Variants in PI4KB observed in about 807,000 individuals in gnomAD.
PI4KB encodes the protein PtdIns 4-kinase beta.
In PI4KB, 23 loss-of-function variants were observed where a neutral mutation model predicts 81.4. The ratio of observed to expected loss-of-function variants is 0.28; its 90% confidence interval spans 0.20 to 0.40. The LOEUF (loss-of-function observed/expected upper bound fraction) is 0.40, where lower values mean the gene tolerates loss of function less well. PI4KB is among the 10% of genes least tolerant of loss of function. The probability of loss-of-function intolerance (pLI) is 1.00; values close to 1 mark genes in which losing one functional copy is unlikely to be tolerated. For synonymous variants in PI4KB, 381 were observed against 406.8 expected (o/e 0.94, Z 0.76); for missense variants, 651 against 1,036.6 (o/e 0.63, Z 5.11).
chr1:151,316,441 G>T lies in PI4KB; in HGVS notation c.41C>A (p.Thr14Asn). Residue 14 changes from threonine (T) to asparagine (N), a missense_variant, in exon 2 of 12, where the codon ACT becomes AAT. Coordinates refer to ENST00000368873, the MANE Select transcript of PI4KB (RefSeq NM_001369623.2). ...TVVEPAPLKP[T>N]SEPTSGPPGN... ...TGGTGGGCCAGAAGTGGGCTCAGAA[G>T]TTGGCTTCAAGGGGGCAGGCTCCAC... 2 of 1,566,246 alleles carry T rather than the reference G, an allele frequency of 1.3e-6. No individual in the cohort carries two copies. Among genetic ancestry groups the T allele is most frequent in the Non-Finnish European group, 1.7e-6 (2 of 1,157,382 alleles).
chr1:151,315,951 G>A lies in PI4KB; in HGVS notation c.531C>T (p.Pro177=). 1 of 1,613,208 alleles carries A rather than the reference G, an allele frequency of 6.2e-7. No homozygotes were observed. The highest frequency in any genetic ancestry group is 1.1e-5 in the South Asian group (1 of 91,048). Residue 177 remains proline (P), a synonymous_variant, in exon 2 of 12, where the codon CCC becomes CCT. Coordinates refer to ENST00000368873, the MANE Select transcript of PI4KB (RefSeq NM_001369623.2). Reference sequence around the variant, plus strand: ...TGTGGATGTACATGTTAAGCAACTGGGGCAGATAGAAGTCCACGTCCTCGT... The same window carrying A: ...TGTGGATGTACATGTTAAGCAACTGAGGCAGATAGAAGTCCACGTCCTCGT... The part of the protein sequence containing the change: ...FRNEDVDFYL[P]QLLNMYIHMD...
At chr1:151,318,354 T>C (rs890849615) in intron 1 of PI4KB, among the ~76,000 whole-genome samples, 2 of 146,624 alleles carry the variant, frequency 1.4e-5, no homozygotes, top group African/African-American at 5.1e-5. Context: ...GAGGTGGAGG[T>C]TGCAGTGAGC....
chr1:151,292,539 A>G lies in PI4KB; in HGVS notation c.*313T>C, dbSNP rs1694378245. 2 of 300,882 alleles carry G rather than the reference A, an allele frequency of 6.6e-6. No individual in the cohort carries two copies. Among genetic ancestry groups the G allele is most frequent in the Non-Finnish European group, 1.3e-5 (2 of 159,794 alleles). The allele number at this position is 300,882 out of a possible 1,614,324, so 18.6% of individuals were successfully genotyped here. On this transcript the variant is annotated 3_prime_UTR_variant, in exon 12 of 12. Coordinates refer to ENST00000368873, the MANE Select transcript of PI4KB (RefSeq NM_001369623.2). Reference sequence around the variant, plus strand: ...TCTGAGAGACCCCTACAAGGAGAAGAAAGGCCCCAGTGTCCCTCACATTTG... The same window carrying G: ...TCTGAGAGACCCCTACAAGGAGAAGGAAGGCCCCAGTGTCCCTCACATTTG...
At position 151,306,154 on chromosome 1, in the gene PI4KB, T is replaced by A; in HGVS notation, c.1392A>T (p.Ile464=). The change falls in exon 5 of 12, where the codon ATA becomes ATT. Residue 464 remains isoleucine (I), a synonymous_variant. Coordinates refer to ENST00000368873, the MANE Select transcript of PI4KB (RefSeq NM_001369623.2). The part of the protein sequence containing the change: ...NDDEAWSVDD[I]GELQVELPEV... ...CTCTCACCTCCACTTGCAGCTCGCC[T>A]ATGTCATCCACCGACCAGGCCTCAT... The A allele has an allele frequency of 6.2e-7, 1 of 1,614,074 alleles. No homozygotes were observed. The highest frequency in any genetic ancestry group is 1.1e-5 in the South Asian group (1 of 91,086).
intron 2 of PI4KB, among the ~76,000 whole-genome samples, chr1:151,312,624 T>C (rs1472694726): frequency 6.6e-6 from 1 of 151,992 alleles, no homozygotes; most frequent in Non-Finnish European, 1.5e-5. Context: ...ACATGTTGAG[T>C]GAATGAATGT....
intron 8 of PI4KB, 44 bp downstream of exon 8, chr1:151,301,800 G>A: frequency 6.3e-7 from 1 of 1,595,888 alleles, no homozygotes; most frequent in Non-Finnish European, 8.6e-7. Context: ...CCAGAGTGCT[G>A]GGATTACAGC....
At chr1:151,312,084 G>A (rs1341342076) in intron 2 of PI4KB, among the ~76,000 whole-genome samples, 1 of 152,228 alleles carries the variant, frequency 6.6e-6, no homozygotes, top group Non-Finnish European at 1.5e-5. Flanking sequence ...CAGGCTTTGA[G>A]GAGCAGTGGT....
In PI4KB at chr1:151,302,299, C is replaced by T; in HGVS notation, c.1521-1G>A. On this transcript the variant is annotated splice_acceptor_variant, in intron 6 of 11. Coordinates refer to ENST00000368873, the MANE Select transcript of PI4KB (RefSeq NM_001369623.2). LOFTEE classifies it high-confidence loss of function. ...AGCCAGCTGTTCCGAAAGGCGCCGGCTGGCAGGAAGAAAATACATCATTTG... is the reference window on the plus strand; with the variant it reads ...AGCCAGCTGTTCCGAAAGGCGCCGGTTGGCAGGAAGAAAATACATCATTTG... 1 of 1,612,208 alleles carries T rather than the reference C, an allele frequency of 6.2e-7. No homozygotes were observed. Among genetic ancestry groups the T allele is most frequent in the South Asian group, 1.1e-5 (1 of 91,046 alleles).
At chr1:151,317,127 CA>C (rs1219491137) in intron 1 of PI4KB, among the ~76,000 whole-genome samples, 4 of 146,128 alleles carry the variant, frequency 2.7e-5, no homozygotes, top group Non-Finnish European at 6.0e-5. Context: ...ACCTGGCCTA[CA>C]TTTACAAATT....
At chr1:151,323,672 C>T (rs991254095) in intron 1 of PI4KB, among the ~76,000 whole-genome samples, 9 of 152,120 alleles carry the variant, frequency 5.9e-5, no homozygotes, top group East Asian at 3.9e-4. Flanking sequence ...TGCAGTGAGC[C>T]GAGATCGTGC....
intron 11 of PI4KB, chr1:151,293,645 TG>T (rs1694522695): frequency 3.2e-6 from 1 of 308,952 alleles, no homozygotes; most frequent in Non-Finnish European, 6.3e-6. Context: ...AGCTGAAGGG[TG>T]GCAGAGGACA....
At chr1:151,310,342 G>T in intron 2 of PI4KB, 87 bp from the exon 3 acceptor site, 1 of 834,832 alleles carries the variant, frequency 1.2e-6, no homozygotes. Context: ...GCTCCAACTT[G>T]GATCGTAACT....
intron 1 of PI4KB, among the ~76,000 whole-genome samples, chr1:151,324,427 T>C (rs953951439): frequency 1.7e-4 from 26 of 152,138 alleles, no homozygotes; most frequent in Non-Finnish European, 1.0e-4. Context: ...ATGGTAAAGG[T>C]AGAGATTGAG....
Position 151,293,118 on chromosome 1 carries a change from C to T in PI4KB, c.2270-85G>A, listed in dbSNP as rs1036710467. The T allele has an allele frequency of 2.6e-6, 4 of 1,548,472 alleles. No individual in the cohort carries two copies. The Admixed American group carries it at 7.8e-5, about 30-fold the overall frequency. Reference sequence around the variant, plus strand: ...CATAGCAAATACAGAGCTGGGGCATCTGAAGTGCCCTTTTCCTCCCACCTC... The same window carrying T: ...CATAGCAAATACAGAGCTGGGGCATTTGAAGTGCCCTTTTCCTCCCACCTC... On this transcript the variant is annotated intron_variant, in intron 11 of 11. Coordinates refer to ENST00000368873, the MANE Select transcript of PI4KB (RefSeq NM_001369623.2).
intron 11 of PI4KB, chr1:151,293,691 A>C (rs970265533): frequency 8.3e-5 from 27 of 326,386 alleles, no homozygotes; most frequent in African/African-American, 5.5e-4. Flanking sequence ...TGGAGAAGAC[A>C]GATGGAAGGA....
In PI4KB at chr1:151,320,922, C is replaced by T. The variant is rs72994073; in HGVS notation, c.-28-4413G>A. On this transcript the variant is annotated intron_variant, in intron 1 of 11. Coordinates refer to ENST00000368873, the MANE Select transcript of PI4KB (RefSeq NM_001369623.2). ...CTTTTCAAAACTTTCAAGGGAAATA[C>T]AGTTCAGACATTCTCCCACATAATA... Among the ~76,000 whole-genome samples, 1,214 of 152,342 alleles carry T rather than the reference C, an allele frequency of 8.0e-3. 18 individuals carry two copies. The highest frequency in any genetic ancestry group is 0.027 in the African/African-American group (1,136 of 41,574).
intron 1 of PI4KB, 55 bp downstream of exon 1, chr1:151,327,216 A>AGGGGGGGCCCCCCCCC: frequency 3.8e-5 from 4 of 104,012 alleles, no homozygotes; most frequent in Admixed American, 1.1e-4. Context: ...TGGGAGAGGG[A>AGGGGGGGCCCCCCCCC]CCCCCCCCCC....
chr1:151,317,914 T>A (rs1648213404), intron 1 of PI4KB, among the ~76,000 whole-genome samples: 1 of 152,076 alleles, frequency 6.6e-6, no homozygotes, highest in Admixed American at 6.6e-5. Flanking sequence ...GCTCAAGGCA[T>A]CCTCCTGCCT....
chr1:151,301,420 C>T (rs587751792), intron 8 of PI4KB, among the ~76,000 whole-genome samples: 2 of 151,516 alleles, frequency 1.3e-5, no homozygotes, highest in African/African-American at 2.4e-5. Context: ...TTTTTTGAGA[C>T]GGAGTCTCGT....
Sources: allele counts gnomAD v4.1 joint callset (sites outside exome capture counted in the v4.1 genomes callset), GRCh38; gene constraint gnomAD v4.1.1; transcripts MANE v1.5; gene names NCBI Gene and HGNC (gene_info 2026-07-23, HGNC 2026-07-21).